The following ZNF780A variants were observed in gnomAD, a reference collection of about 807,000 sequenced individuals.
ZNF780A encodes the protein zinc finger protein 780A.
ZNF780A carries 40 observed loss-of-function variants against 56.7 expected under a neutral mutation model. The observed-to-expected ratio is 0.71, with a 90% CI of 0.55 to 0.92. The LOEUF is 0.92. Among genes scored for constraint, ZNF780A ranks in the 40% least tolerant of loss-of-function variants. The pLI is 0.00. For synonymous variants in ZNF780A, 231 were observed against 248.3 expected, an observed-to-expected ratio of 0.93 and a Z score of 0.66; for missense variants, 672 against 783.3, an observed-to-expected ratio of 0.86 and a Z score of 1.70.
chr19:40,082,393 G>A (rs576319037), intron 4 of ZNF780A, among the ~76,000 whole-genome samples: 57 of 152,010 alleles, frequency 3.7e-4, no homozygotes, highest in Non-Finnish European at 7.5e-4. Context: ...GTTTATTATT[G>A]TCATTTATTT....
rs1343386246 is a variant in ZNF780A at position 40,073,650 on chromosome 19, G to A, written c.*866C>T. The A allele has an allele frequency of 1.0e-6, 1 of 985,886 alleles. No homozygotes were observed. Among genetic ancestry groups the A allele is most frequent in the African/African-American group, 1.7e-5 (1 of 57,232 alleles). The allele number at this position is 985,886 out of a possible 1,614,324, so 61.1% of individuals were successfully genotyped here. ...TCCGAACTCTAAGGTATTTAGTGTG[G>A]CTATAAAACGCCCCACATTCCTTAC... is the stretch of plus-strand genomic sequence containing the variant. On this transcript the variant is annotated 3_prime_UTR_variant, in exon 6 of 6. Transcript: ENST00000683561.
At chr19:40,089,374 C>G (rs1926933) in intron 2 of ZNF780A, 58,811 of 1,171,530 alleles carry the variant, frequency 0.05, 2,902 homozygotes, top group African/African-American at 0.21. Context: ...TAATATACAA[C>G]CAGCAGTCGC....
intron 5 of ZNF780A, among the ~76,000 whole-genome samples, chr19:40,081,544 A>AAT (rs1362887080): frequency 1.3e-5 from 2 of 152,064 alleles, no homozygotes; most frequent in African/African-American, 4.8e-5. Flanking sequence ...AAAAAAAAAA[A>AAT]AAAGTTTACC....
At chr19:40,080,479 C>T (rs573054219) in intron 5 of ZNF780A, among the ~76,000 whole-genome samples, 2 of 152,248 alleles carry the variant, frequency 1.3e-5, no homozygotes, top group Admixed American at 6.5e-5. Context: ...TACATATACA[C>T]CAAGGAATAC....
chr19:40,081,907 G>C lies in ZNF780A; in HGVS notation c.144C>G (p.Ser48=). 6.2e-7 allele frequency: 1 copy of C among 1,606,144 alleles called. No individual in the cohort carries two copies. Among genetic ancestry groups the C allele is most frequent in the Middle Eastern group, 1.7e-4 (1 of 6,014 alleles). Residue 48 remains serine, a synonymous_variant, in exon 5 of 6, where the codon TCC becomes TCG. Transcript: ENST00000683561. ...ACGTAATTACATCTGGTTTAGAAAT[G>C]GAACTTCCTGCTTAAAAGAAACGAC... is the stretch of plus-strand genomic sequence containing the variant. ...NYSHLISLGS[S]ISKPDVITLL... is the part of the protein sequence containing the mutation.
chr19:40,075,951 G>A lies in ZNF780A; in HGVS notation c.491C>T (p.Pro164Leu), dbSNP rs1302540634. The A allele has an allele frequency of 1.3e-5, 21 of 1,613,706 alleles. No individual in the cohort carries two copies. The highest frequency in any genetic ancestry group is 1.6e-4 in the Middle Eastern group (1 of 6,078). The change falls in exon 6 of 6, where the codon CCG (proline) becomes CTG (leucine). Residue 164 changes from proline (P) to leucine (L), a missense_variant. Pro to Leu is a moderately conservative substitution (Grantham distance 98, BLOSUM62 -3). Transcript: ENST00000683561. ...HASLICNTHK[P>L]YECKECGKYF... ...TTTCCCACATTCCTTACATTCATAC[G>A]GTTTATGTGTATTGCAAATAAGAGA... is the stretch of plus-strand genomic sequence containing the variant.
At chr19:40,083,529 T>C (rs1009935146) in intron 3 of ZNF780A, among the ~76,000 whole-genome samples, 1 of 152,046 alleles carries the variant, frequency 6.6e-6, no homozygotes, top group Non-Finnish European at 1.5e-5. Context: ...CTGTGTGTGG[T>C]ATCACGTACC....
chr19:40,089,307 C>A, intron 2 of ZNF780A: 3 of 1,362,080 alleles, frequency 2.2e-6, no homozygotes, highest in South Asian at 3.9e-5. Context: ...TTATATCTGT[C>A]GATTTAAAAA....
At chr19:40,079,427 C>T (rs901435905) in intron 5 of ZNF780A, among the ~76,000 whole-genome samples, 7 of 152,136 alleles carry the variant, frequency 4.6e-5, no homozygotes, top group Non-Finnish European at 1.0e-4. Context: ...CTGAATTACA[C>T]AGATCATCTA....
rs1974041906 is a variant in ZNF780A, at chr19:40,075,229, C to G, written c.1213G>C (p.Val405Leu). ...CCAGCATGAATACTCTGATGTTGAA[C>G]AAGGTTTGAGCTACGATTAAAGGAC... ...GKSFNRSSNL[V>L]QHQSIHAGIK... Residue 405 changes from valine to leucine, a missense_variant, in exon 6 of 6, where the codon GTT (valine) becomes CTT (leucine). Val to Leu is a conservative substitution (Grantham distance 32). Transcript: ENST00000683561. 6.2e-7 allele frequency: 1 copy of G among 1,612,064 alleles called. No individual in the cohort carries two copies. The highest frequency in any genetic ancestry group is 8.5e-7 in the Non-Finnish European group (1 of 1,179,512).
intron 2 of ZNF780A, among the ~76,000 whole-genome samples, chr19:40,089,637 C>A (rs1177564397): frequency 1.3e-5 from 2 of 152,072 alleles, no homozygotes; most frequent in Middle Eastern, 3.4e-3. Context: ...CACACACACA[C>A]ACACACTCAC....
At chr19:40,070,724 G>A (rs1378342503), downstream of ZNF780A, 1 of 152,174 alleles carries the variant, frequency 6.6e-6, no homozygotes, top group Non-Finnish European at 1.5e-5. Flanking sequence ...ATATTTTAAA[G>A]TGTTTTATTA....
chr19:40,070,551 A>AT (rs911526994), downstream of ZNF780A: 1 of 152,224 alleles, frequency 6.6e-6, no homozygotes, highest in African/African-American at 2.4e-5. Context: ...AGGAATAAGA[A>AT]TTTTTTGAAA....
At position 40,083,332 on chromosome 19, in the gene ZNF780A, C is replaced by T. The variant is rs1599847069; in HGVS notation, c.10-95G>A. On this transcript the variant is annotated intron_variant, in intron 3 of 5. Coordinates refer to ENST00000683561, the MANE Select transcript of ZNF780A (RefSeq NM_001142578.2). ...GAAGGAGTGTAGTGTAAGAAAAAAG[C>T]AATATGGAAATTCACAGAGTGCCTG... The T allele has an allele frequency of 7.1e-6, 11 of 1,547,252 alleles. No individual in the cohort carries two copies. In the East Asian group the frequency reaches 2.5e-4, roughly 35 times the overall value.
chr19:40,081,565 A>T (rs1974478694), intron 5 of ZNF780A, among the ~76,000 whole-genome samples: 1 of 152,116 alleles, frequency 6.6e-6, no homozygotes, highest in South Asian at 2.1e-4. Flanking sequence ...CTGGGAAAAA[A>T]AGAGGGAACT....
chr19:40,088,387 G>A (rs1195596305), intron 2 of ZNF780A, among the ~76,000 whole-genome samples: 1 of 152,006 alleles, frequency 6.6e-6, no homozygotes, highest in Non-Finnish European at 1.5e-5. Flanking sequence ...ACATATAAAT[G>A]GCCAACAGTT....
intron 5 of ZNF780A, among the ~76,000 whole-genome samples, chr19:40,079,035 A>G (rs551580867): frequency 2.8e-4 from 42 of 152,310 alleles, no homozygotes; most frequent in African/African-American, 9.9e-4. Context: ...CTTTTCATCT[A>G]AAAGATATAG....
Position 40,074,824 on chromosome 19 carries a change from G to A in ZNF780A, c.1618C>T (p.Arg540Cys), listed in dbSNP as rs879086657. The A allele has an allele frequency of 9.9e-6, 16 of 1,613,928 alleles. No individual in the cohort carries two copies. The South Asian group carries it at 1.3e-4, about 13-fold the overall frequency. Residue 540 changes from arginine to cysteine, a missense_variant, in exon 6 of 6, where the codon CGT (arginine) becomes TGT (cysteine). By Grantham distance (180) the Arg-to-Cys change is radical. Coordinates refer to ENST00000683561, the MANE Select transcript of ZNF780A (RefSeq NM_001142578.2). ...CGATGTTGATTAAGATTTGAACCAC[G>A]ACGAAAGAATTTCCCACATTCCTTA... is the stretch of plus-strand genomic sequence containing the variant. ...ECKECGKFFR[R>C]GSNLNQHRSI...
chr19:40,074,773 A>T lies in ZNF780A; in HGVS notation c.1669T>A (p.Phe557Ile), dbSNP rs543727373. Residue 557 changes from phenylalanine (F) to isoleucine (I), a missense_variant, in exon 6 of 6, where the codon TTT (phenylalanine) becomes ATT (isoleucine). Phe to Ile is a conservative substitution (Grantham distance 21). Coordinates refer to ENST00000683561, the MANE Select transcript of ZNF780A (RefSeq NM_001142578.2). ...HRSIHTGKKP[F>I]ECKECGKAFR... is the part of the protein sequence containing the mutation. The stretch of plus-strand genomic sequence containing the variant: ...GCTTTCCCACATTCCTTACATTCAA[A>T]GGGTTTCTTTCCAGTATGAATACTT... 1 of 1,614,144 alleles carries T rather than the reference A, an allele frequency of 6.2e-7. No homozygotes were observed. The highest frequency in any genetic ancestry group is 8.5e-7 in the Non-Finnish European group (1 of 1,179,972).
Sources: allele counts gnomAD v4.1 joint callset (sites outside exome capture counted in the v4.1 genomes callset), GRCh38; gene constraint gnomAD v4.1.1; transcripts MANE v1.5; gene names NCBI Gene and HGNC (gene_info 2026-07-23, HGNC 2026-07-21).